SDC2: variants seen among roughly 807,000 people sequenced by gnomAD.
The protein encoded by SDC2 is syndecan 2.
SDC2 carries 13 observed loss-of-function variants against 22.2 expected under a neutral mutation model. The ratio of observed to expected loss-of-function variants is 0.59; its 90% CI spans 0.38 to 0.93. The LOEUF (loss-of-function observed/expected upper bound fraction) is 0.93. Ranked by LOEUF, SDC2 falls within the 40% of genes least tolerant of loss-of-function variation. The pLI, the probability that SDC2 is intolerant of heterozygous loss-of-function variation, is 0.00. For synonymous variants in SDC2, 94 were observed against 92.8 expected (o/e 1.01, Z -0.07); for missense variants, 235 against 246.8 (o/e 0.95, Z 0.32).
chr8:96,501,295 C>CA, intron 1 of SDC2, among the ~76,000 whole-genome samples: 1 of 55,162 alleles, frequency 1.8e-5, no homozygotes, highest in Non-Finnish European at 3.5e-5. Context: ...ATACGTATTT[C>CA]TTTTTTTTTT....
intron 1 of SDC2, among the ~76,000 whole-genome samples, chr8:96,569,246 C>T (rs1386900701): frequency 1.3e-5 from 2 of 152,206 alleles, no homozygotes; most frequent in African/African-American, 4.8e-5. Context: ...CGGCCTCGAG[C>T]CATCCTTCCA....
chr8:96,510,266 C>T (rs1333632229), intron 1 of SDC2, among the ~76,000 whole-genome samples: 1 of 152,070 alleles, frequency 6.6e-6, no homozygotes, highest in African/African-American at 2.4e-5. Context: ...GTCTTCTTAC[C>T]GTACCTGCAC....
intron 3 of SDC2, among the ~76,000 whole-genome samples, chr8:96,605,301 A>G (rs181716777): frequency 1.3e-5 from 2 of 152,360 alleles, no homozygotes; most frequent in Non-Finnish European, 1.5e-5. Context: ...AAACCTGAGT[A>G]TTCACCTATT....
At chr8:96,599,577 T>C (rs1258634625) in intron 2 of SDC2, among the ~76,000 whole-genome samples, 1 of 152,196 alleles carries the variant, frequency 6.6e-6, no homozygotes, top group East Asian at 1.9e-4. Flanking sequence ...GCTTTAAATA[T>C]GTATCATGTC....
intron 1 of SDC2, among the ~76,000 whole-genome samples, chr8:96,511,028 A>G (rs367862039): frequency 1.3e-5 from 2 of 152,310 alleles, no homozygotes; most frequent in East Asian, 3.9e-4. Context: ...AGCAGCATCT[A>G]CAGCTCCTCG....
rs1197789055 is a variant in SDC2, at chr8:96,532,423, T to TG, written c.60+38092_60+38093insG. 7.2e-4 allele frequency among the ~76,000 whole-genome samples: 103 copies of TG among 143,166 alleles called. 3 individuals carry two copies. Among genetic ancestry groups the TG allele is most frequent in the Non-Finnish European group, 7.4e-4 (48 of 64,792 alleles). 93.9% of individuals were successfully genotyped at this position (143,166 alleles called of 152,430 possible). On this transcript the variant is annotated intron_variant, in intron 1 of 4. Coordinates refer to ENST00000302190, the MANE Select transcript of SDC2 (RefSeq NM_002998.4). Reference sequence around the variant, plus strand: ...CTGCTTATTGAGGCGTTTTTTTTTTTTTTTTTTTTTTTGGTAGGGCTTTGT... The same window carrying TG: ...CTGCTTATTGAGGCGTTTTTTTTTTTGTTTTTTTTTTTTGGTAGGGCTTTGT...
chr8:96,585,853 GTTTTTTTTTTTTTTT>G (rs199970598), intron 1 of SDC2, among the ~76,000 whole-genome samples: 2 of 145,426 alleles, frequency 1.4e-5, no homozygotes, highest in African/African-American at 2.6e-5. Context: ...CTGGCAAGAG[GTTTTTTTTTTTTTTT>G]TTTTTTTTTT....
rs1815159371 is a variant in SDC2, at chr8:96,610,588, T to C, written c.*1040T>C. On this transcript the variant is annotated 3_prime_UTR_variant, in exon 5 of 5. Coordinates refer to ENST00000302190, the MANE Select transcript of SDC2 (RefSeq NM_002998.4). Reference sequence around the variant, plus strand: ...TTGTAGTCTTATGAATAGACATAAATTGTAATTTGGGAACATAAAAACTAC... The same window carrying C: ...TTGTAGTCTTATGAATAGACATAAACTGTAATTTGGGAACATAAAAACTAC... 1 of 152,660 alleles carries C rather than the reference T, an allele frequency of 6.6e-6. No homozygotes were observed. The highest frequency in any genetic ancestry group is 1.5e-5 in the Non-Finnish European group (1 of 68,046). 9.5% of individuals were successfully genotyped at this position (152,660 alleles called of 1,614,324 possible). A position where few individuals can be genotyped will look rare whatever the true frequency, so the allele number is the denominator to read the frequency against.
chr8:96,498,462 G>A (rs1185867212), intron 1 of SDC2, among the ~76,000 whole-genome samples: 5 of 148,344 alleles, frequency 3.4e-5, no homozygotes, highest in Non-Finnish European at 7.6e-5. Context: ...CCTTCCTGCA[G>A]CGCTAATCTT....
At chr8:96,594,806 A>G (rs1267725064) in intron 2 of SDC2, among the ~76,000 whole-genome samples, 1 of 152,206 alleles carries the variant, frequency 6.6e-6, no homozygotes, top group Non-Finnish European at 1.5e-5. Context: ...AGAAGGGGAA[A>G]CAAACATGTA....
intron 1 of SDC2, among the ~76,000 whole-genome samples, chr8:96,549,482 A>C (rs2130533609): frequency 6.6e-6 from 1 of 152,326 alleles, no homozygotes; most frequent in South Asian, 2.1e-4. Flanking sequence ...CAAACTGGGC[A>C]GCTCTTTTGG....
chr8:96,545,972 CG>C, intron 1 of SDC2, among the ~76,000 whole-genome samples: 1 of 152,322 alleles, frequency 6.6e-6, no homozygotes, highest in South Asian at 2.1e-4. Flanking sequence ...TGAGGTGATG[CG>C]TGCAGCGAGG....
chr8:96,498,361 C>G (rs936786073), intron 1 of SDC2, among the ~76,000 whole-genome samples: 1 of 152,216 alleles, frequency 6.6e-6, no homozygotes, highest in Non-Finnish European at 1.5e-5. Flanking sequence ...CCATGGGAAC[C>G]TGCACTTAAA....
intron 1 of SDC2, among the ~76,000 whole-genome samples, chr8:96,532,860 GC>G (rs1302693578): frequency 1.3e-5 from 2 of 152,140 alleles, no homozygotes; most frequent in Non-Finnish European, 2.9e-5. Context: ...AGCAGCATAG[GC>G]CCTGTGCCCT....
chr8:96,498,296 A>G (rs917135031), intron 1 of SDC2, among the ~76,000 whole-genome samples: 1 of 152,070 alleles, frequency 6.6e-6, no homozygotes, highest in African/African-American at 2.4e-5. Flanking sequence ...TCATGCCTTC[A>G]GTGGCCAGCG....
intron 1 of SDC2, among the ~76,000 whole-genome samples, chr8:96,551,341 A>T (rs374517816): frequency 2.0e-5 from 3 of 152,246 alleles, no homozygotes; most frequent in East Asian, 1.9e-4. Flanking sequence ...AGGACAGTAC[A>T]AAACAGGCTA....
chr8:96,608,274 A>G (rs1563680461), intron 3 of SDC2, 61 bp from the exon 4 acceptor site: 3 of 1,547,518 alleles, frequency 1.9e-6, no homozygotes, highest in East Asian at 4.5e-5. Context: ...CTCATCTATT[A>G]TTTCTTCTTT....
intron 1 of SDC2, among the ~76,000 whole-genome samples, chr8:96,562,612 T>C (rs967351285): frequency 3.3e-5 from 5 of 152,222 alleles, no homozygotes; most frequent in Non-Finnish European, 5.9e-5. Context: ...CCTAATGCAC[T>C]CATTCTAACT....
chr8:96,599,270 A>T (rs1192879214), intron 2 of SDC2, among the ~76,000 whole-genome samples: 2 of 152,086 alleles, frequency 1.3e-5, no homozygotes, highest in Non-Finnish European at 2.9e-5. Flanking sequence ...TGCCAGCTTA[A>T]GGGGGATTTT....
Sources: allele counts gnomAD v4.1 joint callset (sites outside exome capture counted in the v4.1 genomes callset), GRCh38; gene constraint gnomAD v4.1.1; transcripts MANE v1.5; gene names NCBI Gene and HGNC (gene_info 2026-07-23, HGNC 2026-07-21).